The following ZFP90 variants were observed in gnomAD, a reference collection of about 807,000 sequenced individuals.
ZFP90 encodes ZFP90 zinc finger protein, also known as zinc finger protein 90 homolog.
ZFP90 carries 38 observed loss-of-function variants against 60.8 expected under a neutral mutation model. That is an observed-to-expected ratio of 0.62 (90% CI 0.48 to 0.82). ZFP90 has a LOEUF of 0.82. Among genes scored for constraint, ZFP90 ranks in the 40% least tolerant of loss-of-function variants. The pLI is 0.00. For synonymous variants in ZFP90, 287 were observed against 264.8 expected (o/e 1.08, Z -0.82); for missense variants, 711 against 759.1 (o/e 0.94, Z 0.74).
intron 2 of ZFP90, among the ~76,000 whole-genome samples, chr16:68,546,950 G>GGC (rs1452173550): frequency 2.0e-5 from 3 of 152,168 alleles, no homozygotes; most frequent in Non-Finnish European, 4.4e-5. Context: ...GCCTTTCTAA[G>GGC]GCTAAATACA....
At chr16:68,538,550 A>G (rs1421793091), upstream of ZFP90, among the ~76,000 whole-genome samples, 1 of 151,942 alleles carries the variant, frequency 6.6e-6, no homozygotes, top group Non-Finnish European at 1.5e-5. Context: ...AAATATACAA[A>G]ATTAGACGGG....
At chr16:68,546,218 T>A (rs952232740) in intron 2 of ZFP90, among the ~76,000 whole-genome samples, 3 of 152,220 alleles carry the variant, frequency 2.0e-5, no homozygotes, top group Non-Finnish European at 4.4e-5. Context: ...ATATATAATA[T>A]TAGAGACTTT....
chr16:68,570,048 A>T (rs9932790), downstream of ZFP90, among the ~76,000 whole-genome samples: 5,167 of 65,320 alleles, frequency 0.079, 276 homozygotes, highest in African/African-American at 0.26. Flanking sequence ...GTGTGTGTGT[A>T]TACGTGTGTG....
chr16:68,567,243 C>A, downstream of ZFP90: 2 of 813,366 alleles, frequency 2.5e-6, no homozygotes, highest in South Asian at 5.6e-5. Context: ...GAGTTAATAG[C>A]TACCATTTAT....
At chr16:68,547,711 ATTTAT>A (rs1316374506) in intron 2 of ZFP90, among the ~76,000 whole-genome samples, 2 of 152,166 alleles carry the variant, frequency 1.3e-5, no homozygotes, top group African/African-American at 4.8e-5. Context: ...ATGTACCAAA[ATTTAT>A]TTAGCCATTT....
At chr16:68,536,696 T>G (rs1001307152), upstream of ZFP90, among the ~76,000 whole-genome samples, 3 of 152,162 alleles carry the variant, frequency 2.0e-5, no homozygotes, top group Non-Finnish European at 4.4e-5. Flanking sequence ...AATTCAGAAT[T>G]CAGCACCCAG....
At chr16:68,558,392 G>A in intron 3 of ZFP90, 81 bp from the exon 4 acceptor site, 1 of 1,302,516 alleles carries the variant, frequency 7.7e-7, no homozygotes, top group Non-Finnish European at 1.1e-6. Context: ...GAGGATCAAG[G>A]ACTAGTACTG....
At chr16:68,575,236 G>A (rs1169692723) in intron 2 of ZFP90, among the ~76,000 whole-genome samples, 1 of 152,212 alleles carries the variant, frequency 6.6e-6, no homozygotes, top group Non-Finnish European at 1.5e-5. Context: ...TTGTGCACTG[G>A]GATCTGCACT....
chr16:68,544,310 G>T (rs923873070), intron 2 of ZFP90, among the ~76,000 whole-genome samples: 9 of 152,218 alleles, frequency 5.9e-5, no homozygotes, highest in African/African-American at 2.2e-4. Context: ...CACTTGGGAG[G>T]CTGAGGTGAG....
Position 68,556,273 on chromosome 16 carries a change from C to A in ZFP90, c.34-1725C>A, listed in dbSNP as rs541982122. Reference sequence around the variant, plus strand: ...TGATTCTAGACAATCAGCTCTCTAGCATCAGAGCTGACAATTGGGAGGCAT... The same window carrying A: ...TGATTCTAGACAATCAGCTCTCTAGAATCAGAGCTGACAATTGGGAGGCAT... On this transcript the variant is annotated intron_variant, in intron 2 of 4. Transcript: ENST00000563169. Among the ~76,000 whole-genome samples, 16 of 151,590 alleles carry A rather than the reference C, an allele frequency of 1.1e-4. No homozygotes were observed. In the South Asian group the frequency reaches 2.5e-3, roughly 24 times the overall value.
rs746211441 is a variant in ZFP90, at chr16:68,564,301, C to G, written c.1514C>G (p.Ala505Gly). Residue 505 changes from alanine to glycine, a missense_variant, in exon 5 of 5, where the codon GCT (alanine) becomes GGT (glycine). This residue lies in a region of ZFP90 where 295 missense variants were observed against 274.0 expected (regional missense o/e 1.08). Coordinates refer to ENST00000563169, the MANE Select transcript of ZFP90 (RefSeq NM_001305203.2). ...TATCAATGTAATGTATGTGGGAAAG[C>G]TTTCAAAAGGAGTACAAGTTTCATA... Reference protein sequence around the residue: ...KPYQCNVCGKAFKRSTSFIEH... With the variant: ...KPYQCNVCGKGFKRSTSFIEH... 66 of 1,614,004 alleles carry G rather than the reference C, an allele frequency of 4.1e-5. No homozygotes were observed. Among genetic ancestry groups the G allele is most frequent in the South Asian group, 4.0e-4 (36 of 91,086 alleles).
chr16:68,564,762 G>A lies in ZFP90; in HGVS notation c.*64G>A, dbSNP rs752935857. On this transcript the variant is annotated 3_prime_UTR_variant, in exon 5 of 5. Transcript: ENST00000563169. ...AAAATGTTCTGATTCAGGATCAGAG[G>A]ATTCTTAGAGAGCTTGGGAATGTAA... 6 of 1,516,412 alleles carry A rather than the reference G, an allele frequency of 4.0e-6. No individual in the cohort carries two copies. The South Asian group carries it at 8.1e-5, about 20-fold the overall frequency. 93.9% of individuals were successfully genotyped at this position (1,516,412 alleles called of 1,614,324 possible). A position where few individuals can be genotyped will look rare whatever the true frequency, so the allele number is the denominator to read the frequency against.
intron 2 of ZFP90, among the ~76,000 whole-genome samples, chr16:68,544,840 T>C (rs2091116840): frequency 6.7e-6 from 1 of 148,950 alleles, no homozygotes; most frequent in South Asian, 2.2e-4. Context: ...CGCTCCTGTG[T>C]GTGCCCATAG....
At chr16:68,545,580 C>T (rs1309654760) in intron 2 of ZFP90, among the ~76,000 whole-genome samples, 5 of 151,440 alleles carry the variant, frequency 3.3e-5, no homozygotes, top group African/African-American at 7.3e-5. Flanking sequence ...TTTGGGAGGC[C>T]GAGGCAGGTG....
chr16:68,537,131 CTT>C (rs34680664), upstream of ZFP90, among the ~76,000 whole-genome samples: 91 of 145,906 alleles, frequency 6.2e-4, no homozygotes, highest in Non-Finnish European at 4.8e-4. Context: ...TGTTGTTGGG[CTT>C]TTTTTTTTTT....
rs190809663 is a variant in ZFP90, at chr16:68,553,063, G to A, written c.34-4935G>A. Among the ~76,000 whole-genome samples, 34 of 152,110 alleles carry A rather than the reference G, an allele frequency of 2.2e-4. 1 individual carries two copies. In the East Asian group the frequency reaches 3.9e-3, roughly 17 times the overall value. ...CAAGACCTTGTCTCAAAAGAAAAAT[G>A]TATTAAATATTTGTGGAGCACCTAC... On this transcript the variant is annotated intron_variant, in intron 2 of 4. Coordinates refer to ENST00000563169, the MANE Select transcript of ZFP90 (RefSeq NM_001305203.2).
At chr16:68,568,362 T>C (rs2091549700), downstream of ZFP90, among the ~76,000 whole-genome samples, 1 of 152,210 alleles carries the variant, frequency 6.6e-6, no homozygotes, top group South Asian at 2.1e-4. Flanking sequence ...AATAAAACAA[T>C]GTAATACTGT....
In ZFP90 at chr16:68,539,452, C is replaced by T. The variant is rs2090994894; in HGVS notation, c.-63C>T. On this transcript the variant is annotated 5_prime_UTR_variant, in exon 1 of 5. Coordinates refer to ENST00000563169, the MANE Select transcript of ZFP90 (RefSeq NM_001305203.2). ...TGGGTGGGCCGGAGGTCGCGAAATC[C>T]GGAGCCCCCCAGAGGCGGTGATTCT... 3 of 368,862 alleles carry T rather than the reference C, an allele frequency of 8.1e-6. No homozygotes were observed. Among genetic ancestry groups the T allele is most frequent in the East Asian group, 8.1e-5 (2 of 24,544 alleles). The allele number at this position is 368,862 out of a possible 1,614,324, so 22.8% of individuals were successfully genotyped here.
In ZFP90 at chr16:68,567,031, C is replaced by G. The variant is rs2091539328; in HGVS notation, c.*2333C>G. 1 of 985,458 alleles carries G rather than the reference C, an allele frequency of 1.0e-6. No individual in the cohort carries two copies. Among genetic ancestry groups the G allele is most frequent in the South Asian group, 4.7e-5 (1 of 21,292 alleles). 61.0% of individuals were successfully genotyped at this position (985,458 alleles called of 1,614,324 possible). ...AGAAGGCTTTCTTAGTCCCAACAGC[C>G]ATGAACCATGCACTTATGGATACCC... On this transcript the variant is annotated 3_prime_UTR_variant, in exon 5 of 5. Transcript: ENST00000563169.
Sources: allele counts gnomAD v4.1 joint callset (sites outside exome capture counted in the v4.1 genomes callset), GRCh38; gene constraint gnomAD v4.1.1; regional missense constraint gnomAD v4.1.1; transcripts MANE v1.5; gene names NCBI Gene and HGNC (gene_info 2026-07-23, HGNC 2026-07-21).